GRM5: variants seen among roughly 807,000 people sequenced by gnomAD.
GRM5 encodes the protein metabotropic glutamate receptor 5.
A neutral mutation model predicts 83.1 loss-of-function variants in GRM5; 19 were observed. That is an observed-to-expected ratio of 0.23 (90% confidence interval 0.16 to 0.34). GRM5 has a LOEUF of 0.34. GRM5 is among the 10% of genes least tolerant of loss of function. GRM5 has a pLI of 1.00. For missense variants in GRM5, 1,160 were observed against 1,588.3 expected, an observed-to-expected ratio of 0.73 and a Z score of 4.58; for synonymous variants, 675 against 633.6, an observed-to-expected ratio of 1.07 and a Z score of -0.98.
intron 3 of GRM5, among the ~76,000 whole-genome samples, chr11:88,750,684 C>T (rs556695370): frequency 6.6e-6 from 1 of 152,216 alleles, no homozygotes; most frequent in East Asian, 1.9e-4. Context: ...GGGAGTAAAA[C>T]ACTCCTCAGT....
At chr11:88,936,718 C>T (rs541849986) in intron 2 of GRM5, among the ~76,000 whole-genome samples, 4 of 151,748 alleles carry the variant, frequency 2.6e-5, no homozygotes, top group South Asian at 2.1e-4. Flanking sequence ...TCATTATGAA[C>T]GTTAATAAAA....
intron 1 of GRM5, among the ~76,000 whole-genome samples, chr11:89,050,133 T>C (rs1294847497): frequency 6.6e-6 from 1 of 152,180 alleles, no homozygotes; most frequent in South Asian, 2.1e-4. Context: ...AACCCCTACA[T>C]ATTGAGATAC....
chr11:88,512,504 A>G (rs1941404458), intron 9 of GRM5: 1 of 153,406 alleles, frequency 6.5e-6, no homozygotes, highest in Non-Finnish European at 1.5e-5. Context: ...GATCTTATCT[A>G]TCTTTTTCAG....
At chr11:89,023,966 C>T (rs948858612) in intron 2 of GRM5, among the ~76,000 whole-genome samples, 2 of 152,024 alleles carry the variant, frequency 1.3e-5, no homozygotes, top group Non-Finnish European at 2.9e-5. Context: ...TGGCTCATGC[C>T]TGTAATCCCA....
rs149805034 is a variant in GRM5, at chr11:88,617,570, T to G, written c.1148-12606A>C. Among the ~76,000 whole-genome samples, 918 of 152,288 alleles carry G rather than the reference T, an allele frequency of 6.0e-3. 16 individuals carry two copies. The highest frequency in any genetic ancestry group is 0.037 in the East Asian group (194 of 5,186). On this transcript the variant is annotated intron_variant, in intron 4 of 9. Transcript: ENST00000305447. ...AGAGAGCATGGAGAAAATTCTATTTTTGTTTTTCCTTTTCTTCTAGCTAAG... is the reference window on the plus strand; with the variant it reads ...AGAGAGCATGGAGAAAATTCTATTTGTGTTTTTCCTTTTCTTCTAGCTAAG...
Position 88,649,122 on chromosome 11 carries a change from T to C in GRM5, c.1147+4046A>G, listed in dbSNP as rs371787128. On this transcript the variant is annotated intron_variant, in intron 4 of 9. Transcript: ENST00000305447. Reference sequence around the variant, plus strand: ...TAATATATATTAAATATATATGTAATATTTTTATATGTGTAATATATGTTT... The same window carrying C: ...TAATATATATTAAATATATATGTAACATTTTTATATGTGTAATATATGTTT... Among the ~76,000 whole-genome samples the C allele has an allele frequency of 1.5e-3, 213 of 143,220 alleles. 6 individuals are homozygous for C. In the South Asian group the frequency reaches 0.043, roughly 29 times the overall value. 94.0% of individuals were successfully genotyped at this position (143,220 alleles called of 152,430 possible).
At chr11:88,805,769 T>C (rs1943489059) in intron 3 of GRM5, among the ~76,000 whole-genome samples, 2 of 152,202 alleles carry the variant, frequency 1.3e-5, no homozygotes, top group Non-Finnish European at 2.9e-5. Context: ...TACTCAATAA[T>C]GTTTTCTCAG....
intron 2 of GRM5, among the ~76,000 whole-genome samples, chr11:89,000,177 A>T (rs1940325991): frequency 6.6e-6 from 1 of 151,908 alleles, no homozygotes; most frequent in Non-Finnish European, 1.5e-5. Context: ...AACATGGCAC[A>T]TGTATACATA....
chr11:88,790,223 A>G (rs932238482), intron 3 of GRM5, among the ~76,000 whole-genome samples: 2 of 152,106 alleles, frequency 1.3e-5, no homozygotes, highest in South Asian at 4.1e-4. Flanking sequence ...CTCTAAATCC[A>G]TATTTTCTTC....
intron 3 of GRM5, among the ~76,000 whole-genome samples, chr11:88,803,218 G>A (rs1053249877): frequency 6.6e-5 from 10 of 151,254 alleles, no homozygotes; most frequent in African/African-American, 2.4e-4. Flanking sequence ...AAAAGAGCCT[G>A]CATCACCAAG....
intron 2 of GRM5, among the ~76,000 whole-genome samples, chr11:88,868,997 G>A (rs779632316): frequency 4.9e-4 from 75 of 151,680 alleles, no homozygotes; most frequent in Non-Finnish European, 1.0e-3. Flanking sequence ...CTGCACTAAT[G>A]TCTGCTGTTT....
intron 2 of GRM5, among the ~76,000 whole-genome samples, chr11:88,883,567 CA>C (rs2135575806): frequency 6.6e-6 from 1 of 152,212 alleles, no homozygotes; most frequent in East Asian, 1.9e-4. Context: ...AAAGAAAAAC[CA>C]ATTTTCTGGG....
chr11:89,043,876 C>T (rs1222170813), intron 2 of GRM5, among the ~76,000 whole-genome samples: 2 of 152,154 alleles, frequency 1.3e-5, no homozygotes, highest in South Asian at 4.1e-4. Flanking sequence ...TCTCATACTT[C>T]ACAGGGTGAC....
intron 3 of GRM5, among the ~76,000 whole-genome samples, chr11:88,729,180 C>A (rs1310846885): frequency 6.6e-6 from 1 of 152,152 alleles, no homozygotes; most frequent in Non-Finnish European, 1.5e-5. Context: ...AGCAAAATCT[C>A]AGGATACAAA....
chr11:88,791,114 A>AAT (rs1943165134), intron 3 of GRM5, among the ~76,000 whole-genome samples: 2 of 152,338 alleles, frequency 1.3e-5, no homozygotes. Context: ...AACCAGTAGC[A>AAT]TGAACAGGAT....
rs1299741687 is a variant in GRM5, at chr11:88,901,656, C to T, written c.662-51501G>A. Among the ~76,000 whole-genome samples, 8 of 152,298 alleles carry T rather than the reference C, an allele frequency of 5.3e-5. No individual in the cohort carries two copies. In the South Asian group the frequency reaches 1.7e-3, roughly 32 times the overall value. On this transcript the variant is annotated intron_variant, in intron 2 of 9. Coordinates refer to ENST00000305447, the MANE Select transcript of GRM5 (RefSeq NM_001143831.3). ...AGGGAATTTTGCCACCAAGTCTTCA[C>T]ATTAACTTTTCAGCAATATTCCTCA... is the stretch of plus-strand genomic sequence containing the variant.
chr11:88,641,440 C>T (rs1191511521), intron 4 of GRM5, among the ~76,000 whole-genome samples: 3 of 152,046 alleles, frequency 2.0e-5, no homozygotes, highest in Non-Finnish European at 2.9e-5. Context: ...TTGCAAAACA[C>T]AATCACTTCT....
chr11:88,944,982 G>A (rs1385668315), intron 2 of GRM5, among the ~76,000 whole-genome samples: 3 of 151,824 alleles, frequency 2.0e-5, no homozygotes. Flanking sequence ...CCACCAAACG[G>A]CTCCTGGGAC....
In GRM5 at chr11:88,684,402, C is replaced by G. The variant is rs948885938; in HGVS notation, c.912-30999G>C. 2.0e-5 allele frequency among the ~76,000 whole-genome samples: 3 copies of G among 152,002 alleles called. No homozygotes were observed. The South Asian group carries it at 6.2e-4, about 32-fold the overall frequency. On this transcript the variant is annotated intron_variant, in intron 3 of 9. Transcript: ENST00000305447. The stretch of plus-strand genomic sequence containing the variant: ...TCAATTAGGAATCTAATATGCTAAT[C>G]CAGGTAAGGGATGAAGATAGCTTGG...
Sources: gnomAD v4.1 joint callset for allele counts (sites outside exome capture counted in the v4.1 genomes callset) on GRCh38, gnomAD v4.1.1 for gene constraint, MANE v1.5 for transcripts, NCBI Gene and HGNC (gene_info 2026-07-23, HGNC 2026-07-21) for gene names.